The following SLC36A1 variants were observed in gnomAD, a reference collection of about 807,000 sequenced individuals.
The protein encoded by SLC36A1 is proton-coupled amino acid transporter 1.
In SLC36A1, 30 loss-of-function variants were observed where a neutral mutation model predicts 47.5. The observed-to-expected ratio is 0.63, with a 90% confidence interval of 0.47 to 0.86. The LOEUF is 0.86. SLC36A1 is among the 40% of genes least tolerant of loss of function. The pLI, the probability that SLC36A1 is intolerant of heterozygous loss-of-function variation, is 0.00. For missense variants in SLC36A1, 517 were observed against 606.0 expected, an observed-to-expected ratio of 0.85 and a Z score of 1.54; for synonymous variants, 255 against 249.7, an observed-to-expected ratio of 1.02 and a Z score of -0.20.
chr5:151,473,043 A>C (rs1349727784), intron 7 of SLC36A1, among the ~76,000 whole-genome samples: 3 of 152,036 alleles, frequency 2.0e-5, no homozygotes, highest in Non-Finnish European at 4.4e-5. Flanking sequence ...GGTGGCACGC[A>C]CCTGTAGTCC....
chr5:151,401,502 A>C, the SLC36A1 span, among the ~76,000 whole-genome samples: 1 of 152,154 alleles, frequency 6.6e-6, no homozygotes, highest in Non-Finnish European at 1.5e-5. Context: ...TGCTTTGGCT[A>C]CTTGGGCTCT....
At chr5:151,483,412 C>T (rs969348062) in intron 10 of SLC36A1, among the ~76,000 whole-genome samples, 1 of 151,842 alleles carries the variant, frequency 6.6e-6, no homozygotes, top group African/African-American at 2.4e-5. Context: ...TGTCCTCTGT[C>T]CCCCCTTTTG....
intron 1 of SLC36A1, among the ~76,000 whole-genome samples, chr5:151,448,262 C>G (rs1308233909): frequency 1.3e-5 from 2 of 152,184 alleles, no homozygotes; most frequent in Non-Finnish European, 2.9e-5. Flanking sequence ...GTGAGTTAAT[C>G]GGAGACCCGG....
chr5:151,538,030 G>A, the SLC36A1 span: 7 of 1,251,270 alleles, frequency 5.6e-6, no homozygotes, highest in African/African-American at 1.0e-4. Context: ...ACTGAGGGAG[G>A]CAGAAGCAGA....
the SLC36A1 span, among the ~76,000 whole-genome samples, chr5:151,555,375 T>C: frequency 6.8e-6 from 1 of 146,894 alleles, no homozygotes; most frequent in Non-Finnish European, 1.5e-5. Flanking sequence ...TTCTTTTTTT[T>C]TTTTTTTTTT....
chr5:151,473,962 C>T (rs1757680367), intron 8 of SLC36A1, among the ~76,000 whole-genome samples, 191 bp downstream of exon 8: 1 of 151,678 alleles, frequency 6.6e-6, no homozygotes, highest in African/African-American at 2.4e-5. Flanking sequence ...GAGTTCGAAA[C>T]CAGCCTGGCC....
At chr5:151,533,784 A>C in the SLC36A1 span, among the ~76,000 whole-genome samples, 1 of 152,048 alleles carries the variant, frequency 6.6e-6, no homozygotes, top group East Asian at 1.9e-4. Context: ...TTAATGAGTT[A>C]TATATATGTA....
At chr5:151,502,214 AG>A in the SLC36A1 span, among the ~76,000 whole-genome samples, 3 of 147,340 alleles carry the variant, frequency 2.0e-5, 1 homozygote, top group African/African-American at 8.1e-5. Flanking sequence ...CAGGAGGCTG[AG>A]GTGGGAGAAT....
At chr5:151,478,449 G>A (rs1758368822) in intron 9 of SLC36A1, among the ~76,000 whole-genome samples, 1 of 152,210 alleles carries the variant, frequency 6.6e-6, no homozygotes, top group South Asian at 2.1e-4. Context: ...ACTTGAAGCA[G>A]TAGTAGGAAG....
At chr5:151,452,853 G>A in intron 1 of SLC36A1, among the ~76,000 whole-genome samples, 1 of 124,302 alleles carries the variant, frequency 8.0e-6, no homozygotes. Context: ...CTGGGCAACA[G>A]AGGGAGACAC....
the SLC36A1 span, among the ~76,000 whole-genome samples, chr5:151,529,614 C>T: frequency 6.4e-3 from 975 of 152,288 alleles, 10 homozygotes; most frequent in African/African-American, 0.022. Context: ...CTATGTTTCC[C>T]TCACTTACTT....
chr5:151,520,720 A>T, the SLC36A1 span, among the ~76,000 whole-genome samples: 22 of 152,238 alleles, frequency 1.4e-4, 1 homozygote, highest in South Asian at 4.1e-4. Flanking sequence ...ATACACCCAA[A>T]GTTACACAGC....
At chr5:151,501,699 C>T in the SLC36A1 span, among the ~76,000 whole-genome samples, 1 of 148,430 alleles carries the variant, frequency 6.7e-6, no homozygotes, top group Non-Finnish European at 1.5e-5. Flanking sequence ...TATTTACTAT[C>T]TTCATTTTAC....
chr5:151,529,175 T>C, the SLC36A1 span: 1 of 1,613,700 alleles, frequency 6.2e-7, no homozygotes, highest in Non-Finnish European at 8.5e-7. Context: ...GGCAGATCCT[T>C]ACCGTGAGGA....
chr5:151,550,301 C>A, the SLC36A1 span, among the ~76,000 whole-genome samples: 1 of 152,204 alleles, frequency 6.6e-6, no homozygotes, highest in African/African-American at 2.4e-5. Context: ...CATGAATCCA[C>A]ATTGTGTCAT....
In SLC36A1 at chr5:151,490,476, T is replaced by C. The variant is rs1411032635; in HGVS notation, c.*2222T>C. On this transcript the variant is annotated 3_prime_UTR_variant, in exon 11 of 11. Transcript: ENST00000243389. Reference sequence around the variant, plus strand: ...GTTTACTCAGAGCTGCTAGAGACCATCCTGCCCATCCGAGTTCTGAGATTG... The same window carrying C: ...GTTTACTCAGAGCTGCTAGAGACCACCCTGCCCATCCGAGTTCTGAGATTG... The C allele has an allele frequency of 6.6e-6, 1 of 152,300 alleles. No individual in the cohort carries two copies. Among genetic ancestry groups the C allele is most frequent in the African/African-American group, 2.4e-5 (1 of 41,450 alleles). The allele number at this position is 152,300 out of a possible 1,614,324, so 9.4% of individuals were successfully genotyped here.
intron 6 of SLC36A1, among the ~76,000 whole-genome samples, 186 bp from the exon 7 acceptor site, chr5:151,467,521 C>T (rs1236652913): frequency 6.6e-6 from 1 of 152,110 alleles, no homozygotes; most frequent in Non-Finnish European, 1.5e-5. Flanking sequence ...ATGATCAAAC[C>T]TAGCTCAGAC....
intron 7 of SLC36A1, among the ~76,000 whole-genome samples, chr5:151,473,429 C>T (rs1265222279): frequency 1.3e-5 from 2 of 152,090 alleles, no homozygotes; most frequent in African/African-American, 4.8e-5. Context: ...CAAGCCCCAA[C>T]ATTTGAGTTT....
chr5:151,468,457 A>G (rs914399146), intron 7 of SLC36A1, among the ~76,000 whole-genome samples: 1 of 147,516 alleles, frequency 6.8e-6, no homozygotes, highest in Admixed American at 6.8e-5. Context: ...CATAATATAT[A>G]TATGTAAGTG....
Sources: gnomAD v4.1 joint callset for allele counts (sites outside exome capture counted in the v4.1 genomes callset) on GRCh38, gnomAD v4.1.1 for gene constraint, MANE v1.5 for transcripts, NCBI Gene and HGNC (gene_info 2026-07-23, HGNC 2026-07-21) for gene names.